Variants in FHOD3 observed in about 807,000 individuals in gnomAD.
The protein encoded by FHOD3 is FH1/FH2 domain-containing protein 3.
FHOD3 carries 90 observed loss-of-function variants against 173.0 expected under a neutral mutation model. That is an observed-to-expected ratio of 0.52 (90% CI 0.44 to 0.62). The LOEUF is 0.62. FHOD3 is among the 20% of genes least tolerant of loss of function. FHOD3 has a pLI of 0.00. For missense variants in FHOD3, 1,945 were observed against 2,034.7 expected (o/e 0.96, Z 0.85); for synonymous variants, 828 against 823.0 (o/e 1.01, Z -0.10).
intron 6 of FHOD3, among the ~76,000 whole-genome samples, chr18:36,591,747 A>AT (rs2059224266): frequency 1.5e-5 from 1 of 64,840 alleles, no homozygotes; most frequent in Admixed American, 2.0e-4. Flanking sequence ...GAGAGACACT[A>AT]TCTCTACAAA....
intron 17 of FHOD3, among the ~76,000 whole-genome samples, chr18:36,695,117 T>C (rs1299509124): frequency 2.0e-5 from 3 of 151,180 alleles, no homozygotes; most frequent in Non-Finnish European, 4.4e-5. Context: ...CCGAGGTGGG[T>C]GGATCACCTG....
intron 23 of FHOD3, 76 bp downstream of exon 23, chr18:36,744,269 C>T (rs1401322490): frequency 1.3e-6 from 2 of 1,486,882 alleles, no homozygotes; most frequent in African/African-American, 1.4e-5. Flanking sequence ...CCTCGAGGAA[C>T]ACGAGCCCTA....
chr18:36,537,409 C>T (rs1411961707), intron 5 of FHOD3, among the ~76,000 whole-genome samples: 2 of 152,158 alleles, frequency 1.3e-5, no homozygotes, highest in Admixed American at 6.5e-5. Flanking sequence ...GACTTTCATT[C>T]CTGTCTGGTG....
Position 36,779,855 on chromosome 18 carries a change from T to C in FHOD3, c.*325T>C. On this transcript the variant is annotated 3_prime_UTR_variant, in exon 29 of 29. Coordinates refer to ENST00000590592, the MANE Select transcript of FHOD3 (RefSeq NM_001281740.3). ...GAGCAAATCACTTCTGTCACAGTTA[T>C]TATGGTAATATGAGGCAATCTGATT... 1 of 453,016 alleles carries C rather than the reference T, an allele frequency of 2.2e-6. No homozygotes were observed. Among genetic ancestry groups the C allele is most frequent in the Non-Finnish European group, 3.9e-6 (1 of 258,046 alleles). The allele number at this position is 453,016 out of a possible 1,614,324, so 28.1% of individuals were successfully genotyped here. A position where few individuals can be genotyped will look rare whatever the true frequency, so the allele number is the denominator to read the frequency against.
intron 3 of FHOD3, among the ~76,000 whole-genome samples, chr18:36,449,422 T>G (rs1568285619): frequency 6.6e-6 from 1 of 152,186 alleles, no homozygotes; most frequent in Non-Finnish European, 1.5e-5. Context: ...CATCCGTATG[T>G]TATTCGTGTG....
At chr18:36,778,090 T>C (rs1173554246) in intron 28 of FHOD3, 2 of 152,260 alleles carry the variant, frequency 1.3e-5, no homozygotes, top group Admixed American at 1.3e-4. Context: ...ATTTTCATAA[T>C]AGGTATTAGT....
At position 36,744,128 on chromosome 18, in the gene FHOD3, G is replaced by A. The variant is rs2303510; in HGVS notation, c.3976G>A (p.Val1326Ile). The A allele has an allele frequency of 0.33, 534,444 of 1,613,702 alleles. 90,121 individuals are homozygous for A. The highest frequency in any genetic ancestry group is 0.44 in the South Asian group (40,283 of 91,058). The change falls in exon 23 of 29, where the codon GTA (valine) becomes ATA (isoleucine). Residue 1326 changes from valine to isoleucine, a missense_variant. Physicochemically the swap from Val to Ile is conservative, Grantham distance 29 (BLOSUM62 3). Transcript: ENST00000590592. The part of the protein sequence containing the change: ...SLLHHVCTMV[V>I]ENFPDSSDLY... Reference sequence around the variant, plus strand: ...TCTCCACCATGTGTGCACCATGGTGGTAGAAAACTTCCCAGACAGCTCCGA... The same window carrying A: ...TCTCCACCATGTGTGCACCATGGTGATAGAAAACTTCCCAGACAGCTCCGA...
At chr18:36,595,545 A>G (rs1251614412) in intron 7 of FHOD3, among the ~76,000 whole-genome samples, 1 of 152,008 alleles carries the variant, frequency 6.6e-6, no homozygotes, top group Non-Finnish European at 1.5e-5. Flanking sequence ...AAGCCCATGT[A>G]TGCACCTCTT....
chr18:36,560,167 G>C (rs563224458), intron 5 of FHOD3, among the ~76,000 whole-genome samples: 1 of 152,142 alleles, frequency 6.6e-6, no homozygotes, highest in Non-Finnish European at 1.5e-5. Flanking sequence ...GCCTAAGTTC[G>C]TCCTTTGACT....
chr18:36,320,517 A>G (rs2044341612), intron 1 of FHOD3, among the ~76,000 whole-genome samples: 1 of 152,266 alleles, frequency 6.6e-6, no homozygotes, highest in Admixed American at 6.5e-5. Flanking sequence ...AAAGAAGTCT[A>G]GGACCAGATG....
At chr18:36,674,224 C>T (rs972771348) in intron 14 of FHOD3, among the ~76,000 whole-genome samples, 7 of 152,272 alleles carry the variant, frequency 4.6e-5, no homozygotes, top group Non-Finnish European at 7.4e-5. Flanking sequence ...ACCTGACTTA[C>T]GATGCACCTG....
intron 25 of FHOD3, among the ~76,000 whole-genome samples, chr18:36,756,777 A>G (rs1012268620): frequency 1.3e-5 from 2 of 152,296 alleles, no homozygotes; most frequent in African/African-American, 4.8e-5. Flanking sequence ...GGAAGTGCTC[A>G]GGTCACTTTT....
chr18:36,535,388 C>T (rs890534218), intron 5 of FHOD3, among the ~76,000 whole-genome samples: 1 of 152,198 alleles, frequency 6.6e-6, no homozygotes, highest in East Asian at 1.9e-4. Context: ...TGGTTCCTAG[C>T]GCTTCCCCTA....
intron 2 of FHOD3, among the ~76,000 whole-genome samples, chr18:36,368,067 T>A (rs1256039198): frequency 2.0e-5 from 3 of 152,254 alleles, no homozygotes; most frequent in Non-Finnish European, 2.9e-5. Flanking sequence ...CTCAGGCAGT[T>A]CTTTAGAGCA....
chr18:36,455,647 T>A (rs1004497274), intron 3 of FHOD3, among the ~76,000 whole-genome samples: 4 of 150,762 alleles, frequency 2.7e-5, no homozygotes, highest in Admixed American at 1.3e-4. Context: ...GCCAAAAAAA[T>A]TTTTCAAAAA....
chr18:36,404,112 T>C (rs2048948671), intron 3 of FHOD3, among the ~76,000 whole-genome samples: 1 of 152,208 alleles, frequency 6.6e-6, no homozygotes, highest in South Asian at 2.1e-4. Flanking sequence ...TCCCTGAGGG[T>C]TTGGGCAGTG....
intron 14 of FHOD3, among the ~76,000 whole-genome samples, chr18:36,669,094 A>T (rs1255054695): frequency 1.3e-5 from 2 of 151,906 alleles, no homozygotes; most frequent in Non-Finnish European, 2.9e-5. Context: ...GATTTTTAAA[A>T]ATATGTTGCT....
chr18:36,683,708 T>C (rs2038408674), intron 15 of FHOD3, among the ~76,000 whole-genome samples: 1 of 152,232 alleles, frequency 6.6e-6, no homozygotes, highest in Admixed American at 6.5e-5. Context: ...ATTCCTGTTA[T>C]TTCTTTATCT....
intron 20 of FHOD3, among the ~76,000 whole-genome samples, chr18:36,736,286 C>G (rs1031077266): frequency 6.6e-6 from 1 of 152,236 alleles, no homozygotes; most frequent in Non-Finnish European, 1.5e-5. Context: ...GCTTTGCCAT[C>G]ATGGATGGCT....
Sources: allele counts gnomAD v4.1 joint callset (sites outside exome capture counted in the v4.1 genomes callset), GRCh38; gene constraint gnomAD v4.1.1; transcripts MANE v1.5; gene names NCBI Gene and HGNC (gene_info 2026-07-23, HGNC 2026-07-21).